Variants in SLC9A9 observed in about 807,000 individuals in gnomAD.
The protein encoded by SLC9A9 is solute carrier family 9 member A9.
SLC9A9 carries 62 observed loss-of-function variants against 77.8 expected under a neutral mutation model. That is an observed-to-expected ratio of 0.80 (90% confidence interval 0.65 to 0.98). The LOEUF is 0.98. SLC9A9 is among the 50% of genes least tolerant of loss of function. The probability of loss-of-function intolerance (pLI) is 0.00; values close to 1 mark genes in which losing one functional copy is unlikely to be tolerated. For missense variants in SLC9A9, 775 were observed against 774.9 expected, an observed-to-expected ratio of 1.00 and a Z score of 0.00; for synonymous variants, 320 against 283.5, an observed-to-expected ratio of 1.13 and a Z score of -1.29.
chr3:143,306,060 T>TA (rs561374919), intron 14 of SLC9A9, among the ~76,000 whole-genome samples: 2,073 of 149,074 alleles, frequency 0.014, 19 homozygotes, highest in Middle Eastern at 0.042. Context: ...GGAATTTCTT[T>TA]AAAAAAAAAA....
At chr3:143,401,673 C>T (rs562601280) in intron 12 of SLC9A9, among the ~76,000 whole-genome samples, 31 of 152,196 alleles carry the variant, frequency 2.0e-4, no homozygotes, top group African/African-American at 5.5e-4. Context: ...ATGTACAACT[C>T]GACATAGACT....
intron 6 of SLC9A9, among the ~76,000 whole-genome samples, chr3:143,623,078 T>C (rs1283691618): frequency 6.6e-6 from 1 of 152,182 alleles, no homozygotes; most frequent in Non-Finnish European, 1.5e-5. Context: ...CCTAAATATA[T>C]GTGCACCCAA....
At chr3:143,779,076 G>A (rs74750922) in intron 4 of SLC9A9, among the ~76,000 whole-genome samples, 2,116 of 152,266 alleles carry the variant, frequency 0.014, 21 homozygotes, top group Non-Finnish European at 0.02. Context: ...GTCTTATGGG[G>A]AAGCTTTGTA....
intron 4 of SLC9A9, among the ~76,000 whole-genome samples, chr3:143,793,071 C>T (rs963259584): frequency 1.3e-5 from 2 of 152,108 alleles, no homozygotes; most frequent in South Asian, 2.1e-4. Flanking sequence ...CTAAGAACAC[C>T]GTTCTAAAAT....
intron 11 of SLC9A9, among the ~76,000 whole-genome samples, chr3:143,481,572 T>C (rs1195396806): frequency 6.6e-6 from 1 of 152,174 alleles, no homozygotes; most frequent in Non-Finnish European, 1.5e-5. Flanking sequence ...AGAAATGTAT[T>C]GAAGAGAGAG....
chr3:143,806,542 A>C (rs1184406864), intron 2 of SLC9A9, among the ~76,000 whole-genome samples: 2 of 152,214 alleles, frequency 1.3e-5, no homozygotes, highest in Admixed American at 6.5e-5. Flanking sequence ...TTGAGAGTCA[A>C]ATGTATTAAA....
intron 2 of SLC9A9, among the ~76,000 whole-genome samples, chr3:143,808,387 T>C (rs751068204): frequency 6.6e-6 from 1 of 152,232 alleles, no homozygotes; most frequent in Non-Finnish European, 1.5e-5. Context: ...AAAACCAATG[T>C]ATTACATTAA....
intron 12 of SLC9A9, among the ~76,000 whole-genome samples, chr3:143,451,099 G>A (rs956498769): frequency 2.0e-5 from 3 of 151,332 alleles, no homozygotes; most frequent in East Asian, 1.9e-4. Context: ...CTCCAAACAC[G>A]GGGCAGCTTC....
chr3:143,803,969 A>G (rs2008640027), intron 2 of SLC9A9, among the ~76,000 whole-genome samples: 2 of 152,032 alleles, frequency 1.3e-5, no homozygotes, highest in South Asian at 2.1e-4. Flanking sequence ...CTCCACACTT[A>G]CTTAAAAAAC....
At chr3:143,822,358 C>T (rs916209997) in intron 2 of SLC9A9, among the ~76,000 whole-genome samples, 19 of 152,182 alleles carry the variant, frequency 1.2e-4, no homozygotes, top group African/African-American at 2.2e-4. Context: ...GAAGACCACT[C>T]GAATTTGCAG....
chr3:143,554,396 T>G (rs1311068305), intron 8 of SLC9A9, among the ~76,000 whole-genome samples: 1 of 152,204 alleles, frequency 6.6e-6, no homozygotes, highest in Non-Finnish European at 1.5e-5. Flanking sequence ...GGGGAAACTT[T>G]GGGACCACCC....
chr3:143,731,680 A>G (rs774008768), intron 4 of SLC9A9, among the ~76,000 whole-genome samples: 1 of 152,184 alleles, frequency 6.6e-6, no homozygotes, highest in Non-Finnish European at 1.5e-5. Flanking sequence ...CTCTTGCTAC[A>G]TTCCTGACCC....
At chr3:143,313,649 A>T (rs2031099424) in intron 14 of SLC9A9, among the ~76,000 whole-genome samples, 1 of 152,222 alleles carries the variant, frequency 6.6e-6, no homozygotes, top group South Asian at 2.1e-4. Flanking sequence ...ATATAGAAAT[A>T]CCATGTCCCG....
chr3:143,832,454 T>G (rs951613482), intron 1 of SLC9A9, among the ~76,000 whole-genome samples: 3 of 152,122 alleles, frequency 2.0e-5, no homozygotes, highest in Non-Finnish European at 1.5e-5. Flanking sequence ...ATTTTTTTTC[T>G]CCCTAGTGGA....
intron 12 of SLC9A9, among the ~76,000 whole-genome samples, chr3:143,408,993 A>G (rs572631076): frequency 1.1e-4 from 17 of 152,368 alleles, no homozygotes; most frequent in African/African-American, 4.1e-4. Context: ...CCGCATTTTG[A>G]CAATTTCTTG....
intron 13 of SLC9A9, among the ~76,000 whole-genome samples, chr3:143,365,315 G>A (rs1228752022): frequency 2.6e-5 from 4 of 152,036 alleles, no homozygotes. Context: ...AATAACTATT[G>A]GTACTAGACT....
At chr3:143,504,213 C>A in intron 9 of SLC9A9, 1 of 291,670 alleles carries the variant, frequency 3.4e-6, no homozygotes, top group Admixed American at 3.7e-5. Flanking sequence ...TTAAAAGCAG[C>A]ACTAGTGACC....
chr3:143,795,095 T>C lies in SLC9A9; in HGVS notation c.457-18A>G. ...AAGTGTCTCTGGGGAGAAAAAAAGA[T>C]ATTTAATAGAGTACATCAGAATTTT... On this transcript the variant is annotated intron_variant, in intron 3 of 15. Coordinates refer to ENST00000316549, the MANE Select transcript of SLC9A9 (RefSeq NM_173653.4). 1 of 1,599,964 alleles carries C rather than the reference T, an allele frequency of 6.3e-7. No homozygotes were observed. Among genetic ancestry groups the C allele is most frequent in the Non-Finnish European group, 8.6e-7 (1 of 1,168,602 alleles).
chr3:143,674,457 C>G (rs1459348404), intron 5 of SLC9A9, among the ~76,000 whole-genome samples: 1 of 152,258 alleles, frequency 6.6e-6, no homozygotes, highest in East Asian at 1.9e-4. Flanking sequence ...TTCACAGGGC[C>G]TCTCTTAGAT....
Sources: allele counts gnomAD v4.1 joint callset (sites outside exome capture counted in the v4.1 genomes callset), GRCh38; gene constraint gnomAD v4.1.1; transcripts MANE v1.5; gene names NCBI Gene and HGNC (gene_info 2026-07-23, HGNC 2026-07-21).